Variants in ATP2C1 observed in about 807,000 individuals in gnomAD.
ATP2C1 encodes ATPase secretory pathway Ca2+ transporting 1, also known as calcium-transporting ATPase type 2C member 1.
Under a neutral mutation model 120.5 loss-of-function variants are expected in ATP2C1, and 31 were observed. The observed-to-expected ratio is 0.26, with a 90% CI of 0.19 to 0.35. The LOEUF (loss-of-function observed/expected upper bound fraction) is 0.35. Among genes scored for constraint, ATP2C1 ranks in the 10% least tolerant of loss-of-function variants. The probability of loss-of-function intolerance (pLI) is 1.00; values close to 1 mark genes in which losing one functional copy is unlikely to be tolerated. For synonymous variants in ATP2C1, 351 were observed against 358.7 expected (o/e 0.98, Z 0.24); for missense variants, 731 against 1,107.5 (o/e 0.66, Z 4.83).
intron 18 of ATP2C1, among the ~76,000 whole-genome samples, chr3:130,976,918 C>T (rs1328194858): frequency 6.6e-6 from 1 of 152,172 alleles, no homozygotes; most frequent in African/African-American, 2.4e-5. Flanking sequence ...TGCCCTCGTA[C>T]ATTGTACCGT....
intron 2 of ATP2C1, among the ~76,000 whole-genome samples, chr3:130,921,347 G>A (rs1312749409): frequency 1.3e-5 from 2 of 152,192 alleles, no homozygotes; most frequent in Non-Finnish European, 2.9e-5. Flanking sequence ...TTCCCAAAGT[G>A]CTGGGATTAT....
intron 2 of ATP2C1, among the ~76,000 whole-genome samples, chr3:130,911,710 C>G (rs1239088287): frequency 2.0e-5 from 3 of 152,076 alleles, no homozygotes; most frequent in Non-Finnish European, 2.9e-5. Flanking sequence ...CCATCCCCAT[C>G]AAGCTACCGA....
intron 26 of ATP2C1, chr3:131,016,084 A>G (rs771329544): frequency 1.3e-6 from 2 of 1,568,248 alleles, no homozygotes; most frequent in Admixed American, 3.5e-5. Context: ...AATATAAGTG[A>G]AAATACTGTA....
intron 12 of ATP2C1, among the ~76,000 whole-genome samples, chr3:130,961,732 T>C (rs991582145): frequency 1.3e-5 from 2 of 152,032 alleles, no homozygotes; most frequent in African/African-American, 4.8e-5. Flanking sequence ...TGAACAAAAA[T>C]GAGAATTCAG....
At chr3:130,854,586 A>G (rs1298203655) in intron 1 of ATP2C1, among the ~76,000 whole-genome samples, 1 of 152,140 alleles carries the variant, frequency 6.6e-6, no homozygotes, top group Non-Finnish European at 1.5e-5. Context: ...CTGAGTGTGG[A>G]AGGGAGAATT....
intron 1 of ATP2C1, among the ~76,000 whole-genome samples, chr3:130,853,996 A>T (rs2067758769): frequency 6.6e-6 from 1 of 152,162 alleles, no homozygotes; most frequent in African/African-American, 2.4e-5. Flanking sequence ...CATATGCTTT[A>T]TTGTTTAAAA....
chr3:131,004,851 G>GT (rs1468706210), downstream of ATP2C1, among the ~76,000 whole-genome samples: 1 of 152,184 alleles, frequency 6.6e-6, no homozygotes, highest in African/African-American at 2.4e-5. Context: ...GAGGTACAGT[G>GT]TGAAGGGTTG....
upstream of ATP2C1, among the ~76,000 whole-genome samples, chr3:130,893,115 A>G (rs1021451809): frequency 7.9e-5 from 12 of 152,196 alleles, no homozygotes; most frequent in African/African-American, 2.7e-4. Flanking sequence ...GTTCAACATT[A>G]TATGTCTGGC....
At chr3:130,935,196 A>G (rs1270175718) in intron 5 of ATP2C1, among the ~76,000 whole-genome samples, 2 of 152,208 alleles carry the variant, frequency 1.3e-5, no homozygotes, top group Non-Finnish European at 2.9e-5. Context: ...CATGATTAGC[A>G]CACATGAAAA....
At chr3:130,850,876 A>G in exon 1 of ATP2C1, 6 of 1,443,306 alleles carry the variant, frequency 4.2e-6, no homozygotes, top group Non-Finnish European at 5.4e-6. Context: ...TATCCTCTCC[A>G]TGCAATTAGG....
rs2062885330 is a variant in ATP2C1, at chr3:131,001,530, A to G, written c.*180A>G. 1 of 1,305,954 alleles carries G rather than the reference A, an allele frequency of 7.7e-7. No homozygotes were observed. The highest frequency in any genetic ancestry group is 3.5e-5 in the Admixed American group (1 of 28,304). 80.9% of individuals were successfully genotyped at this position (1,305,954 alleles called of 1,614,324 possible). ...TGGCAGTCCCAAATGAAATTATGCA[A>G]CTTTGATATCATATTCCTTGATTTA... On this transcript the variant is annotated 3_prime_UTR_variant, in exon 28 of 28. Transcript: ENST00000510168.
At chr3:130,994,214 A>T (rs1167516260) in intron 22 of ATP2C1, 116 bp downstream of exon 22, 7 of 1,204,842 alleles carry the variant, frequency 5.8e-6, no homozygotes, top group East Asian at 2.5e-5. Flanking sequence ...GGTAAACTAA[A>T]CCACTTTTCT....
Position 130,997,718 on chromosome 3 carries a change from ATT to A in ATP2C1, c.2357_2358del (p.Ile786SerfsTer11). On this transcript the variant is annotated frameshift_variant, in exon 25 of 28. Coordinates refer to ENST00000510168, the MANE Select transcript of ATP2C1 (RefSeq NM_001378687.1). LOFTEE classifies it high-confidence loss of function. Reference protein sequence around the residue: ...ILKILVSSIIIVCGTLFVFWR... With the variant: ...ILKILVSSIIXVCGTLFVFWR... ...TAAAATACTTGTTTCATCAATAATC[ATT>A]GTTTGTGGGACTTTGTTTGTCTTCT... 2 of 1,613,694 alleles carry A rather than the reference ATT, an allele frequency of 1.2e-6. No individual in the cohort carries two copies. Among genetic ancestry groups the A allele is most frequent in the Non-Finnish European group, 1.7e-6 (2 of 1,179,750 alleles).
At chr3:130,956,919 G>A (rs926038675) in intron 11 of ATP2C1, among the ~76,000 whole-genome samples, 3 of 151,924 alleles carry the variant, frequency 2.0e-5, no homozygotes, top group Non-Finnish European at 4.4e-5. Context: ...ATTGATAAAA[G>A]CTTTTTATAT....
intron 2 of ATP2C1, among the ~76,000 whole-genome samples, chr3:130,912,690 T>C (rs2108137056): frequency 7.0e-6 from 1 of 143,082 alleles, no homozygotes; most frequent in East Asian, 2.1e-4. Flanking sequence ...TGGAAGTCAG[T>C]GTGGCGATTC....
At chr3:130,851,124 C>T (rs1172724545) in intron 1 of ATP2C1, among the ~76,000 whole-genome samples, 1 of 152,124 alleles carries the variant, frequency 6.6e-6, no homozygotes, top group Non-Finnish European at 1.5e-5. Context: ...ACATTCAGAT[C>T]CTGAGATTAA....
At chr3:130,995,398 G>C (rs541249024) in intron 22 of ATP2C1, among the ~76,000 whole-genome samples, 74 of 151,200 alleles carry the variant, frequency 4.9e-4, no homozygotes, top group South Asian at 3.6e-3. Context: ...CTGGGAAGCA[G>C]GGCAAGACCC....
chr3:130,979,481 T>G (rs1293518954), intron 19 of ATP2C1, 62 bp downstream of exon 19: 4 of 1,495,158 alleles, frequency 2.7e-6, no homozygotes, highest in Non-Finnish European at 3.7e-6. Context: ...TGGTGCATAA[T>G]TTTGTGAACT....
At chr3:130,955,211 GT>G in intron 10 of ATP2C1, 131 bp downstream of exon 10, 1 of 706,810 alleles carries the variant, frequency 1.4e-6, no homozygotes, top group Non-Finnish European at 2.5e-6. Context: ...AGTTGTCTCT[GT>G]TTAGAAACAT....
Sources: gnomAD v4.1 joint callset for allele counts (sites outside exome capture counted in the v4.1 genomes callset) on GRCh38, gnomAD v4.1.1 for gene constraint, MANE v1.5 for transcripts, NCBI Gene and HGNC (gene_info 2026-07-23, HGNC 2026-07-21) for gene names.